The following AKAP14 variants were observed in gnomAD, a reference collection of about 807,000 sequenced individuals.
AKAP14 encodes A-kinase anchoring protein 14.
A neutral mutation model predicts 17.0 loss-of-function variants in AKAP14; 4 were observed. The observed-to-expected ratio is 0.23, with a 90% CI of 0.12 to 0.54. The LOEUF (loss-of-function observed/expected upper bound fraction) is 0.54, where lower values mean the gene tolerates loss of function less well. Among genes scored for constraint, AKAP14 ranks in the 20% least tolerant of loss-of-function variants. The pLI, the probability that AKAP14 is intolerant of heterozygous loss-of-function variation, is 0.95. For synonymous variants in AKAP14, 42 were observed against 51.3 expected (o/e 0.82, Z 0.77); for missense variants, 129 against 150.9 (o/e 0.85, Z 0.76).
intron 5 of AKAP14, among the ~76,000 whole-genome samples, chrX:119,916,812 T>G (rs1306440424): frequency 1.0e-5 from 1 of 99,796 alleles, no homozygotes; most frequent in Non-Finnish European, 2.0e-5. Flanking sequence ...ATTCTTCTGT[T>G]TAAAACTTTC....
chrX:119,896,813 C>CTTT (rs1402745894), intron 2 of AKAP14, among the ~76,000 whole-genome samples: 1 of 57,302 alleles, frequency 1.7e-5, no homozygotes, highest in Admixed American at 2.7e-4. Flanking sequence ...TTCTTTTTTT[C>CTTT]TTTTTTTTTT....
At chrX:119,919,866 T>C (rs1229121094) in intron 5 of AKAP14, 45 bp from the exon 6 acceptor site, 2 of 1,176,171 alleles carry the variant, frequency 1.7e-6, no homozygotes, top group Admixed American at 4.5e-5. Context: ...ACAAAAAGAG[T>C]TGGTATGACT....
chrX:119,901,638 G>A (rs527854474), intron 2 of AKAP14, among the ~76,000 whole-genome samples: 8 of 108,364 alleles, frequency 7.4e-5, no homozygotes, highest in Admixed American at 2.0e-4. Context: ...TCCGGGAGGC[G>A]GAGGTTGCAG....
intron 4 of AKAP14, among the ~76,000 whole-genome samples, chrX:119,909,882 C>A (rs1287859409): frequency 2.2e-4 from 19 of 87,873 alleles, no homozygotes; most frequent in African/African-American, 6.5e-4. Context: ...GGGACTCCGT[C>A]TCAAAAAAAA....
intron 4 of AKAP14, among the ~76,000 whole-genome samples, chrX:119,914,213 G>T (rs1296043897): frequency 9.6e-6 from 1 of 104,052 alleles, no homozygotes; most frequent in African/African-American, 3.5e-5. Context: ...ACTCCAGCCT[G>T]GGCAACAGAG....
chrX:119,911,214 G>A (rs2056625477), intron 4 of AKAP14, among the ~76,000 whole-genome samples: 1 of 107,127 alleles, frequency 9.3e-6, no homozygotes, highest in Non-Finnish European at 1.9e-5. Flanking sequence ...TTAGCTGGGT[G>A]TGGTGGTGGG....
At chrX:119,908,300 A>AAAGAAG (rs1556398869) in intron 4 of AKAP14, among the ~76,000 whole-genome samples, 1 of 103,500 alleles carries the variant, frequency 9.7e-6, no homozygotes, top group African/African-American at 3.5e-5. Context: ...AAAAAAAAAA[A>AAAGAAG]AAGAAGGATG....
At chrX:119,919,780 A>G in intron 5 of AKAP14, 131 bp from the exon 6 acceptor site, 1 of 636,232 alleles carries the variant, frequency 1.6e-6, no homozygotes, top group Non-Finnish European at 2.4e-6. Context: ...CAGGGGGTGG[A>G]GGTTGCAGTG....
chrX:119,896,873 C>T (rs772862445), intron 2 of AKAP14, among the ~76,000 whole-genome samples: 53 of 97,461 alleles, frequency 5.4e-4, no homozygotes, highest in South Asian at 1.5e-3. Flanking sequence ...TGCAGCAGCG[C>T]GATCAAGGCT....
chrX:119,896,809 TTTTC>T (rs1206239501), intron 2 of AKAP14, among the ~76,000 whole-genome samples: 5 of 56,957 alleles, frequency 8.8e-5, no homozygotes, highest in South Asian at 9.5e-4. Context: ...TCTTTTCTTT[TTTTC>T]TTTTTTTTTT....
chrX:119,905,284 C>T (rs957043799), intron 4 of AKAP14, among the ~76,000 whole-genome samples: 14 of 111,814 alleles, frequency 1.3e-4, no homozygotes, highest in African/African-American at 3.9e-4. Flanking sequence ...TTCTATGCTC[C>T]AGCGGACGCC....
chrX:119,903,467 C>G (rs1031721029), intron 3 of AKAP14, 28 bp from the exon 4 acceptor site: 3 of 1,211,616 alleles, frequency 2.5e-6, no homozygotes, highest in Non-Finnish European at 3.3e-6. Flanking sequence ...TACCTGGCAA[C>G]TAACGAACTC....
intron 4 of AKAP14, among the ~76,000 whole-genome samples, chrX:119,909,850 A>G (rs1359627885): frequency 1.9e-5 from 2 of 105,210 alleles, no homozygotes; most frequent in Non-Finnish European, 3.9e-5. Flanking sequence ...ACGTCACTGC[A>G]CTCCAGCCTG....
At chrX:119,897,709 A>G (rs144292694) in intron 2 of AKAP14, among the ~76,000 whole-genome samples, 480 of 111,801 alleles carry the variant, frequency 4.3e-3, no homozygotes, top group Non-Finnish European at 7.4e-3. Context: ...CAACCTGGAA[A>G]TGCTCTGTGT....
intron 4 of AKAP14, among the ~76,000 whole-genome samples, chrX:119,908,593 A>G (rs772030125): frequency 4.2e-4 from 47 of 112,406 alleles, no homozygotes; most frequent in African/African-American, 7.4e-4. Flanking sequence ...TTAACCATGG[A>G]TAACAGTTTT....
intron 4 of AKAP14, among the ~76,000 whole-genome samples, chrX:119,907,665 C>T (rs775889181): frequency 6.4e-5 from 7 of 109,130 alleles, no homozygotes; most frequent in Non-Finnish European, 1.1e-4. Flanking sequence ...CACTTTGTTG[C>T]TCAGGCTGGT....
intron 4 of AKAP14, among the ~76,000 whole-genome samples, chrX:119,911,091 G>A (rs1465892902): frequency 2.8e-5 from 3 of 107,694 alleles, no homozygotes; most frequent in Admixed American, 2.0e-4. Context: ...GGTGGCTCAC[G>A]CCTGTAATCC....
intron 2 of AKAP14, among the ~76,000 whole-genome samples, chrX:119,901,321 T>C (rs1299989999): frequency 8.9e-6 from 1 of 112,015 alleles, no homozygotes; most frequent in Non-Finnish European, 1.9e-5. Flanking sequence ...TTATTGGAGA[T>C]GATATAATTG....
chrX:119,907,970 GAAT>G (rs1363873838), intron 4 of AKAP14, among the ~76,000 whole-genome samples: 1 of 111,773 alleles, frequency 8.9e-6, no homozygotes, highest in South Asian at 3.7e-4. Flanking sequence ...ATGTGAATAC[GAAT>G]AATTAAACCT....
Sources: gnomAD v4.1 joint callset for allele counts (sites outside exome capture counted in the v4.1 genomes callset) on GRCh38, gnomAD v4.1.1 for gene constraint, MANE v1.5 for transcripts, NCBI Gene and HGNC (gene_info 2026-07-23, HGNC 2026-07-21) for gene names.